Variants in SLC35D1 observed in about 807,000 individuals in gnomAD.
The protein encoded by SLC35D1 is solute carrier family 35 member D1, also known as nucleotide sugar transporter SLC35D1.
SLC35D1 carries 31 observed loss-of-function variants against 46.7 expected under a neutral mutation model. The observed-to-expected ratio is 0.66, with a 90% CI of 0.50 to 0.90. The LOEUF (loss-of-function observed/expected upper bound fraction) is 0.90, where lower values mean the gene tolerates loss of function less well. Among genes scored for constraint, SLC35D1 ranks in the 40% least tolerant of loss-of-function variants. The probability of loss-of-function intolerance (pLI) is 0.00; values close to 1 mark genes in which losing one functional copy is unlikely to be tolerated. For synonymous variants in SLC35D1, 195 were observed against 164.6 expected, an observed-to-expected ratio of 1.18 and a Z score of -1.41; for missense variants, 397 against 426.2, an observed-to-expected ratio of 0.93 and a Z score of 0.60.
the SLC35D1 span, among the ~76,000 whole-genome samples, chr1:66,977,533 T>G: frequency 1.3e-5 from 2 of 152,210 alleles, no homozygotes; most frequent in African/African-American, 4.8e-5. Flanking sequence ...TGTAGTCCCA[T>G]TGACACAGAT....
chr1:66,976,560 G>A, the SLC35D1 span: 1 of 1,530,504 alleles, frequency 6.5e-7, no homozygotes, highest in Non-Finnish European at 8.8e-7. Flanking sequence ...TTGTTAAAAA[G>A]GAGATTCTTA....
At chr1:67,026,312 C>T (rs966222780) in intron 8 of SLC35D1, among the ~76,000 whole-genome samples, 5 of 152,084 alleles carry the variant, frequency 3.3e-5, no homozygotes, top group South Asian at 2.1e-4. Flanking sequence ...CTGCACTGAT[C>T]GATTTTCAAA....
At chr1:67,046,152 A>T (rs1360551226) in intron 7 of SLC35D1, among the ~76,000 whole-genome samples, 2 of 152,164 alleles carry the variant, frequency 1.3e-5, no homozygotes, top group Non-Finnish European at 2.9e-5. Flanking sequence ...TATTCCAAAA[A>T]CAAAAACAAA....
At position 67,051,884 on chromosome 1, in the gene SLC35D1, T is replaced by C. The variant is rs1645313082; in HGVS notation, c.392+128A>G. ...TGGCACCACTTTCATTATTTAGTAGTAATAGAAGCTTTCTGGTCCTTTCAT... is the reference window on the plus strand; with the variant it reads ...TGGCACCACTTTCATTATTTAGTAGCAATAGAAGCTTTCTGGTCCTTTCAT... On this transcript the variant is annotated intron_variant, in intron 4 of 11. Transcript: ENST00000235345. 1.6e-5 allele frequency: 11 copies of C among 676,090 alleles called. No homozygotes were observed. In the East Asian group the frequency reaches 3.0e-4, roughly 18 times the overall value. The allele number at this position is 676,090 out of a possible 1,614,324, so 41.9% of individuals were successfully genotyped here. A position where few individuals can be genotyped will look rare whatever the true frequency, so the allele number is the denominator to read the frequency against.
chr1:66,986,773 A>G, the SLC35D1 span: 77 of 255,692 alleles, frequency 3.0e-4, no homozygotes, highest in Admixed American at 4.8e-4. Context: ...GTTTTACTTA[A>G]AACTTTTAAT....
At chr1:66,985,110 T>A in the SLC35D1 span, 1 of 1,223,350 alleles carries the variant, frequency 8.2e-7, no homozygotes, top group Non-Finnish European at 1.0e-6. Context: ...ATTTTAAAAA[T>A]TAGTAAATTT....
intron 8 of SLC35D1, among the ~76,000 whole-genome samples, chr1:67,035,146 G>A (rs2862730): frequency 0.57 from 86,909 of 151,236 alleles, 27,268 homozygotes; most frequent in East Asian, 0.84. Flanking sequence ...GTGTGTGTGT[G>A]CGCGCGTGTG....
downstream of SLC35D1, among the ~76,000 whole-genome samples, chr1:66,998,286 C>T (rs980088018): frequency 1.3e-5 from 2 of 151,816 alleles, no homozygotes; most frequent in Non-Finnish European, 1.5e-5. Flanking sequence ...GTCAGGAGTT[C>T]GAGACCAGCC....
At chr1:66,985,127 A>C in the SLC35D1 span, 8 of 1,170,220 alleles carry the variant, frequency 6.8e-6, no homozygotes, top group African/African-American at 1.3e-4. Context: ...ATTTGAATGA[A>C]CTAAAGATAT....
intron 4 of SLC35D1, among the ~76,000 whole-genome samples, chr1:67,051,356 G>A (rs1053291551): frequency 6.6e-6 from 1 of 152,148 alleles, no homozygotes; most frequent in African/African-American, 2.4e-5. Flanking sequence ...TCTGTTAAAT[G>A]TTTTCTCTAT....
At chr1:66,978,695 A>G in the SLC35D1 span, among the ~76,000 whole-genome samples, 16 of 152,200 alleles carry the variant, frequency 1.1e-4, no homozygotes, top group Non-Finnish European at 1.8e-4. Flanking sequence ...AGCTACATTC[A>G]GTCTGTAATC....
At chr1:66,983,194 A>G in the SLC35D1 span, among the ~76,000 whole-genome samples, 12 of 152,154 alleles carry the variant, frequency 7.9e-5, no homozygotes, top group African/African-American at 2.2e-4. Flanking sequence ...TCCCAATGTT[A>G]TATTACTTTT....
downstream of SLC35D1, among the ~76,000 whole-genome samples, chr1:66,995,496 C>CT (rs1315456295): frequency 8.5e-6 from 1 of 118,288 alleles, no homozygotes; most frequent in Non-Finnish European, 1.7e-5. Flanking sequence ...ACCAAAACCT[C>CT]TGTCTTCATA....
chr1:66,987,824 G>C, the SLC35D1 span: 1 of 152,164 alleles, frequency 6.6e-6, no homozygotes, highest in Non-Finnish European at 1.5e-5. Flanking sequence ...CTTTTTCAGT[G>C]GTTCTTGGTC....
At chr1:66,983,490 C>T in the SLC35D1 span, among the ~76,000 whole-genome samples, 1 of 152,068 alleles carries the variant, frequency 6.6e-6, no homozygotes, top group Non-Finnish European at 1.5e-5. Context: ...CTTCTTATCA[C>T]CAAAATTTGC....
At chr1:66,995,294 T>C (rs12044278), downstream of SLC35D1, among the ~76,000 whole-genome samples, 33,069 of 151,456 alleles carry the variant, frequency 0.22, 3,958 homozygotes, top group Non-Finnish European at 0.26. Context: ...AGCCCCACCA[T>C]TCACTCTAGG....
intron 8 of SLC35D1, among the ~76,000 whole-genome samples, chr1:67,021,870 G>GT (rs1667813481): frequency 6.6e-6 from 1 of 152,132 alleles, no homozygotes; most frequent in Non-Finnish European, 1.5e-5. Flanking sequence ...CATCCAAAAT[G>GT]TAACGTGGGG....
At chr1:67,008,726 G>C (rs1292367174) in intron 11 of SLC35D1, among the ~76,000 whole-genome samples, 1 of 152,004 alleles carries the variant, frequency 6.6e-6, no homozygotes, top group Non-Finnish European at 1.5e-5. Flanking sequence ...TAGCAACCCT[G>C]TGGCCAGGGA....
intron 9 of SLC35D1, among the ~76,000 whole-genome samples, chr1:67,020,881 G>C (rs1309957441): frequency 6.6e-6 from 1 of 152,168 alleles, no homozygotes; most frequent in Non-Finnish European, 1.5e-5. Context: ...ACTACTTTAA[G>C]AGGGGATACA....
Sources: gnomAD v4.1 joint callset for allele counts (sites outside exome capture counted in the v4.1 genomes callset) on GRCh38, gnomAD v4.1.1 for gene constraint, MANE v1.5 for transcripts, NCBI Gene and HGNC (gene_info 2026-07-23, HGNC 2026-07-21) for gene names.